The following SSH1 variants were observed in gnomAD, a reference collection of about 807,000 sequenced individuals.
SSH1 encodes the protein slingshot protein phosphatase 1, also known as protein phosphatase Slingshot homolog 1.
SSH1 carries 43 observed loss-of-function variants against 79.7 expected under a neutral mutation model. The observed-to-expected ratio is 0.54, with a 90% CI of 0.42 to 0.70. The LOEUF (loss-of-function observed/expected upper bound fraction) is 0.70, where lower values mean the gene tolerates loss of function less well. Among genes scored for constraint, SSH1 ranks in the 30% least tolerant of loss-of-function variants. The pLI is 0.00. For missense variants in SSH1, 1,206 were observed against 1,358.8 expected (o/e 0.89, Z 1.77); for synonymous variants, 599 against 538.3 (o/e 1.11, Z -1.56).
intron 1 of SSH1, chr12:108,853,401 A>G: frequency 2.1e-6 from 2 of 960,294 alleles, no homozygotes; most frequent in Non-Finnish European, 2.5e-6. Flanking sequence ...CACACCCCCC[A>G]AACAACTCCG....
chr12:108,843,326 C>T (rs759031934), intron 2 of SSH1, among the ~76,000 whole-genome samples: 8 of 152,142 alleles, frequency 5.3e-5, no homozygotes, highest in Non-Finnish European at 1.2e-4. Flanking sequence ...AGTTGCTCAA[C>T]AGGAAACAAT....
rs139641692 is a variant in SSH1 at position 108,782,338 on chromosome 12, A to C, written c.*5650T>G. 6.6e-6 allele frequency: 1 copy of C among 151,516 alleles called. No individual in the cohort carries two copies. Among genetic ancestry groups the C allele is most frequent in the African/African-American group, 2.4e-5 (1 of 41,216 alleles). 9.4% of individuals were successfully genotyped at this position (151,516 alleles called of 1,614,324 possible). A position where few individuals can be genotyped will look rare whatever the true frequency, so the allele number is the denominator to read the frequency against. Reference sequence around the variant, plus strand: ...GAGCAGGTTAGATGTTCTTTAGTGCACACCTCTGGCTTTACATTTCCTACT... The same window carrying C: ...GAGCAGGTTAGATGTTCTTTAGTGCCCACCTCTGGCTTTACATTTCCTACT... On this transcript the variant is annotated 3_prime_UTR_variant, in exon 15 of 15. Coordinates refer to ENST00000326495, the MANE Select transcript of SSH1 (RefSeq NM_018984.4).
At chr12:108,841,329 G>A (rs905900302) in intron 2 of SSH1, among the ~76,000 whole-genome samples, 1 of 152,258 alleles carries the variant, frequency 6.6e-6, no homozygotes, top group African/African-American at 2.4e-5. Context: ...GGAGACCAGA[G>A]CCCTGAGGCG....
chr12:108,841,811 CCA>C (rs2038784371), intron 2 of SSH1, among the ~76,000 whole-genome samples: 1 of 147,016 alleles, frequency 6.8e-6, no homozygotes, highest in Admixed American at 6.9e-5. Flanking sequence ...CCATCCCCCC[CCA>C]CAAAAAAAAA....
intron 2 of SSH1, among the ~76,000 whole-genome samples, chr12:108,834,630 C>A (rs183918553): frequency 6.6e-6 from 1 of 152,146 alleles, no homozygotes; most frequent in African/African-American, 2.4e-5. Context: ...TGAAACCAAT[C>A]CCCTTGGATA....
In SSH1 at chr12:108,792,304, G is replaced by A. The variant is rs146107220; in HGVS notation, c.1875C>T (p.Ser625=). Residue 625 remains serine (S), a synonymous_variant, in exon 14 of 15, where the codon AGC becomes AGT. Transcript: ENST00000326495. ...SENLNNNSKR[S]CPNGMEDDAI... ...TGCCTACCTCCATGCCGTTGGGACA[G>A]CTCCTCTTGCTGTTGTTGTTTAGGT... 2.8e-5 allele frequency: 45 copies of A among 1,614,082 alleles called. No individual in the cohort carries two copies. The African/African-American group carries it at 5.9e-4, about 21-fold the overall frequency.
chr12:108,807,653 G>GC lies in SSH1; in HGVS notation c.710_711insG (p.Ala239ArgfsTer9). The stretch of plus-strand genomic sequence containing the variant: ...CTTACTTGTCCACAAATAGCGCGGG[G>GC]GAGTCGGGCCGCGTAGACTCCAGGT... On this transcript the variant is annotated frameshift_variant, in exon 8 of 15. Coordinates refer to ENST00000326495, the MANE Select transcript of SSH1 (RefSeq NM_018984.4). LOFTEE classifies it high-confidence loss of function. The surrounding 1 kb of genome is among the most constrained non-coding windows in gnomAD (Gnocchi z 5.2). 6.2e-7 allele frequency: 1 copy of GC among 1,613,002 alleles called. No individual in the cohort carries two copies. Among genetic ancestry groups the GC allele is most frequent in the Non-Finnish European group, 8.5e-7 (1 of 1,179,380 alleles).
At chr12:108,794,173 C>T (rs955304138) in intron 13 of SSH1, among the ~76,000 whole-genome samples, 1 of 152,214 alleles carries the variant, frequency 6.6e-6, no homozygotes, top group Non-Finnish European at 1.5e-5. Context: ...CTGTGGCTTC[C>T]TTCCAACACC....
In SSH1 at chr12:108,815,135, G is replaced by A. The variant is rs556876693; in HGVS notation, c.401+1903C>T. The stretch of plus-strand genomic sequence containing the variant: ...AAGAGAGCTGCAGCCTGCTGGGAAA[G>A]AATGAGTGGCATCTACTCATTCAGC... On this transcript the variant is annotated intron_variant, in intron 5 of 14. Transcript: ENST00000326495. Among the ~76,000 whole-genome samples, 22 of 152,328 alleles carry A rather than the reference G, an allele frequency of 1.4e-4. No individual in the cohort carries two copies. In the South Asian group the frequency reaches 2.3e-3, roughly 16 times the overall value.
At position 108,807,650 on chromosome 12, in the gene SSH1, G is replaced by A. The variant is rs578093048; in HGVS notation, c.714C>T (p.Pro238=). The A allele has an allele frequency of 9.2e-5, 149 of 1,612,780 alleles. No homozygotes were observed. The highest frequency in any genetic ancestry group is 1.8e-4 in the East Asian group (8 of 44,774). Residue 238 remains proline, a synonymous_variant, in exon 8 of 15, where the codon CCC becomes CCT. Coordinates refer to ENST00000326495, the MANE Select transcript of SSH1 (RefSeq NM_018984.4). The surrounding 1 kb of genome is among the most constrained non-coding windows in gnomAD (Gnocchi z 5.2). ...TCACTTACTTGTCCACAAATAGCGCGGGGGAGTCGGGCCGCGTAGACTCCA... is the reference window on the plus strand; with the variant it reads ...TCACTTACTTGTCCACAAATAGCGCAGGGGAGTCGGGCCGCGTAGACTCCA... The part of the protein sequence containing the change: ...QDLESTRPDS[P]ALFVDKPTEG...
chr12:108,787,761 C>T lies in SSH1; in HGVS notation c.*227G>A, dbSNP rs1294910400. 2.0e-5 allele frequency: 12 copies of T among 592,992 alleles called. No individual in the cohort carries two copies. Among genetic ancestry groups the T allele is most frequent in the African/African-American group, 3.7e-5 (2 of 53,686 alleles). 36.7% of individuals were successfully genotyped at this position (592,992 alleles called of 1,614,324 possible). ...GGAGCGGAGTTTTGTGTCTCCTGGC[C>T]GGCGGCTCCTGGTTCTCCCAGGCCA... is the stretch of plus-strand genomic sequence containing the variant. On this transcript the variant is annotated 3_prime_UTR_variant, in exon 15 of 15. Coordinates refer to ENST00000326495, the MANE Select transcript of SSH1 (RefSeq NM_018984.4).
chr12:108,799,079 T>C lies in SSH1; in HGVS notation c.1270A>G (p.Lys424Glu). ...GGGCGCGTGATGCTGCGCTTCTGCT[T>C]TACATAGTTATATGCTTTTTCCAGA... is the stretch of plus-strand genomic sequence containing the variant. The part of the protein sequence containing the change: ...WPLEKAYNYV[K>E]QKRSITRPNA... Residue 424 changes from lysine (K) to glutamate (E), a missense_variant, in exon 13 of 15, where the codon AAG becomes GAG. Physicochemically the swap from Lys to Glu is moderately conservative, Grantham distance 56 (BLOSUM62 1). Around this residue, in one of 5 missense-constraint regions of SSH1, gnomAD observed 166 missense variants for 262.9 expected, o/e 0.63. Coordinates refer to ENST00000326495, the MANE Select transcript of SSH1 (RefSeq NM_018984.4). 2 of 1,614,202 alleles carry C rather than the reference T, an allele frequency of 1.2e-6. No individual in the cohort carries two copies. The highest frequency in any genetic ancestry group is 1.7e-6 in the Non-Finnish European group (2 of 1,180,052).
intron 2 of SSH1, among the ~76,000 whole-genome samples, chr12:108,840,155 C>T (rs1364903049): frequency 6.6e-6 from 1 of 152,182 alleles, no homozygotes; most frequent in Non-Finnish European, 1.5e-5. Flanking sequence ...AAGCACATCA[C>T]CCTGCATCCC....
At chr12:108,810,831 C>G (rs536946732) in intron 6 of SSH1, among the ~76,000 whole-genome samples, 36 of 152,342 alleles carry the variant, frequency 2.4e-4, no homozygotes, top group Admixed American at 9.1e-4. Context: ...CAGGGTGGCG[C>G]TTGAAACCTT....
chr12:108,790,041 C>A (rs1179309020), intron 14 of SSH1, among the ~76,000 whole-genome samples: 2 of 152,144 alleles, frequency 1.3e-5, no homozygotes, highest in African/African-American at 4.8e-5. Flanking sequence ...ATCCTCTGAG[C>A]CACTGTGATC....
chr12:108,823,152 A>G (rs2038186649), intron 3 of SSH1, 106 bp downstream of exon 3: 5 of 1,103,638 alleles, frequency 4.5e-6, no homozygotes, highest in African/African-American at 1.5e-5. Context: ...ACCTGCGTCC[A>G]CTATGTCTAA....
At chr12:108,809,628 T>C (rs1411859299) in intron 7 of SSH1, 65 bp downstream of exon 7, 3 of 1,420,414 alleles carry the variant, frequency 2.1e-6, no homozygotes, top group Non-Finnish European at 3.0e-6. Context: ...AAGGGGTTTT[T>C]CTATTCATGC....
chr12:108,779,269 C>T lies in SSH1; in HGVS notation c.*8719G>A, dbSNP rs766770677. On this transcript the variant is annotated 3_prime_UTR_variant, in exon 15 of 15. Transcript: ENST00000326495. ...AGGATGCACAATTTCCATTTAAAGG[C>T]AAAATATGGTGAATATGATCTACGG... 1 of 152,188 alleles carries T rather than the reference C, an allele frequency of 6.6e-6. No homozygotes were observed. Among genetic ancestry groups the T allele is most frequent in the Non-Finnish European group, 1.5e-5 (1 of 68,026 alleles). The allele number at this position is 152,188 out of a possible 1,614,324, so 9.4% of individuals were successfully genotyped here.
At chr12:108,829,341 G>C (rs1187558044) in intron 2 of SSH1, among the ~76,000 whole-genome samples, 2 of 152,068 alleles carry the variant, frequency 1.3e-5, no homozygotes, top group African/African-American at 4.8e-5. Context: ...AGGGGCGGTG[G>C]GGAACAAAAG....
Sources: gnomAD v4.1 joint callset for allele counts (sites outside exome capture counted in the v4.1 genomes callset) on GRCh38, gnomAD v4.1.1 for gene constraint, gnomAD v4.1.1 regional missense constraint, Gnocchi (gnomAD v3.1) non-coding constraint, MANE v1.5 for transcripts, NCBI Gene and HGNC (gene_info 2026-07-23, HGNC 2026-07-21) for gene names.